ATP9B: variants seen among roughly 807,000 people sequenced by gnomAD.
ATP9B encodes the protein probable phospholipid-transporting ATPase IIB.
A neutral mutation model predicts 146.1 loss-of-function variants in ATP9B; 110 were observed. The ratio of observed to expected loss-of-function variants is 0.75; its 90% CI spans 0.65 to 0.88. The LOEUF (loss-of-function observed/expected upper bound fraction) is 0.88. Among genes scored for constraint, ATP9B ranks in the 40% least tolerant of loss-of-function variants. The pLI, the probability that ATP9B is intolerant of heterozygous loss-of-function variation, is 0.00. For synonymous variants in ATP9B, 604 were observed against 569.7 expected, an observed-to-expected ratio of 1.06 and a Z score of -0.86; for missense variants, 1,499 against 1,496.4, an observed-to-expected ratio of 1.00 and a Z score of -0.03.
intron 19 of ATP9B, among the ~76,000 whole-genome samples, chr18:79,337,869 C>T (rs989558380): frequency 2.6e-5 from 4 of 152,200 alleles, no homozygotes; most frequent in African/African-American, 7.2e-5. Flanking sequence ...CGTGCCCTTG[C>T]CCCCAGCCTG....
chr18:79,142,716 C>G (rs1265361501), intron 5 of ATP9B, among the ~76,000 whole-genome samples: 2 of 151,978 alleles, frequency 1.3e-5, no homozygotes, highest in African/African-American at 4.8e-5. Context: ...TAGCTTCAGC[C>G]CTTATTGGCT....
At chr18:79,241,830 G>A (rs2095891881) in intron 11 of ATP9B, among the ~76,000 whole-genome samples, 1 of 152,146 alleles carries the variant, frequency 6.6e-6, no homozygotes, top group Admixed American at 6.5e-5. Flanking sequence ...TTTGATAGTC[G>A]CCAAACACAA....
At chr18:79,129,628 T>C (rs1271868330) in intron 5 of ATP9B, among the ~76,000 whole-genome samples, 2 of 152,100 alleles carry the variant, frequency 1.3e-5, no homozygotes, top group Admixed American at 6.5e-5. Context: ...ACAAAAATAG[T>C]GTAGAAAAAT....
chr18:79,302,886 C>T (rs1457264642), intron 13 of ATP9B, among the ~76,000 whole-genome samples: 2 of 151,990 alleles, frequency 1.3e-5, no homozygotes, highest in Non-Finnish European at 2.9e-5. Context: ...TAATGGACAC[C>T]CTAATTTGGG....
chr18:79,156,018 T>C (rs959649634), intron 7 of ATP9B, among the ~76,000 whole-genome samples: 2 of 152,112 alleles, frequency 1.3e-5, no homozygotes, highest in African/African-American at 4.8e-5. Context: ...CACCTCGGCC[T>C]CCCAAAGTGC....
rs1555751541 is a variant in ATP9B at position 79,202,060 on chromosome 18, A to AAT, written c.955-4865_955-4864dup. 3.9e-4 allele frequency among the ~76,000 whole-genome samples: 59 copies of AAT among 151,598 alleles called. 1 individual carries two copies. Among genetic ancestry groups the AAT allele is most frequent in the Admixed American group, 3.0e-3 (45 of 15,184 alleles). ...GTGACAGAGTGAGACCCTGTCCTAAAATATATATATATACGGAATTAGAGA... is the reference window on the plus strand; with the variant it reads ...GTGACAGAGTGAGACCCTGTCCTAAAATATATATATATATACGGAATTAGAGA... On this transcript the variant is annotated intron_variant, in intron 9 of 29. Transcript: ENST00000426216.
At chr18:79,079,976 T>C (rs564291385) in intron 1 of ATP9B, among the ~76,000 whole-genome samples, 1 of 152,360 alleles carries the variant, frequency 6.6e-6, no homozygotes, top group East Asian at 1.9e-4. Context: ...GCGTTATTTC[T>C]GAGGCCTCTT....
intron 1 of ATP9B, among the ~76,000 whole-genome samples, chr18:79,095,351 G>C (rs1355784965): frequency 6.6e-6 from 1 of 152,054 alleles, no homozygotes; most frequent in Admixed American, 6.6e-5. Context: ...ATTGCCCTTA[G>C]ACTCTTTCTG....
chr18:79,084,085 C>T (rs1013525506), intron 1 of ATP9B, among the ~76,000 whole-genome samples: 6 of 151,638 alleles, frequency 4.0e-5, no homozygotes, highest in Non-Finnish European at 1.5e-5. Flanking sequence ...TCTTGATCTC[C>T]GGACTTCATG....
intron 15 of ATP9B, among the ~76,000 whole-genome samples, chr18:79,319,831 C>T (rs923546054): frequency 1.3e-5 from 2 of 152,214 alleles, no homozygotes; most frequent in Non-Finnish European, 2.9e-5. Context: ...ATGACTTCTG[C>T]ATCTACAGAG....
intron 1 of ATP9B, among the ~76,000 whole-genome samples, chr18:79,073,660 G>C (rs1037748495): frequency 2.6e-5 from 4 of 152,116 alleles, no homozygotes; most frequent in African/African-American, 9.7e-5. Context: ...TGGAAAGCGG[G>C]AGACGGAGAC....
chr18:79,228,084 G>A (rs1414024767), intron 11 of ATP9B, among the ~76,000 whole-genome samples: 1 of 152,178 alleles, frequency 6.6e-6, no homozygotes, highest in South Asian at 2.1e-4. Context: ...ATCAATGCAG[G>A]ACATATTAGA....
intron 13 of ATP9B, among the ~76,000 whole-genome samples, chr18:79,292,420 A>G (rs751003102): frequency 3.9e-5 from 6 of 152,258 alleles, no homozygotes; most frequent in Non-Finnish European, 7.3e-5. Context: ...CGAACCATCC[A>G]GAGATAGAAT....
intron 8 of ATP9B, among the ~76,000 whole-genome samples, chr18:79,179,526 C>A (rs1001474657): frequency 2.0e-5 from 3 of 151,970 alleles, no homozygotes; most frequent in Admixed American, 2.0e-4. Context: ...AAAATATTTT[C>A]TAATTCCTTC....
intron 26 of ATP9B, among the ~76,000 whole-genome samples, chr18:79,365,014 A>G (rs530056185): frequency 6.8e-6 from 1 of 146,580 alleles, no homozygotes; most frequent in South Asian, 2.2e-4. Context: ...TGGGTGACAG[A>G]GCGAGACCTT....
In ATP9B at chr18:79,076,623, C is replaced by G. The variant is rs1019616231; in HGVS notation, c.119+7094C>G. Among the ~76,000 whole-genome samples, 23 of 151,992 alleles carry G rather than the reference C, an allele frequency of 1.5e-4. 1 individual carries two copies. The highest frequency in any genetic ancestry group is 7.3e-5 in the African/African-American group (3 of 41,372). On this transcript the variant is annotated intron_variant, in intron 1 of 29. Coordinates refer to ENST00000426216, the MANE Select transcript of ATP9B (RefSeq NM_198531.5). The stretch of plus-strand genomic sequence containing the variant: ...TTTTAGTCGTTTGACTGTTCTGGGT[C>G]TTGGTATGGATTTCTTCAGGATTAC...
At chr18:79,118,646 C>T (rs1417174761) in intron 4 of ATP9B, among the ~76,000 whole-genome samples, 6 of 151,738 alleles carry the variant, frequency 4.0e-5, no homozygotes, top group Admixed American at 6.6e-5. Flanking sequence ...GTGATCCGTC[C>T]GCCTCAGCCT....
In ATP9B at chr18:79,374,011, GTCCGCA is replaced by G; in HGVS notation, c.3185_3190del (p.Val1062_Thr1064delinsAla). 6.2e-7 allele frequency: 1 copy of G among 1,614,170 alleles called. No homozygotes were observed. The highest frequency in any genetic ancestry group is 1.1e-5 in the South Asian group (1 of 91,082). On this transcript the variant is annotated inframe_deletion, in exon 28 of 30. Transcript: ENST00000426216. ...CGAGCTGCTGATGGTGGCGCTGACC[GTCCGCA>G]CGTGGCACTGGCTGATGGTGGTGGC... is the stretch of plus-strand genomic sequence containing the variant.
intron 13 of ATP9B, among the ~76,000 whole-genome samples, chr18:79,284,983 C>G (rs111881134): frequency 3.3e-5 from 5 of 152,082 alleles, no homozygotes; most frequent in South Asian, 2.1e-4. Flanking sequence ...GTATTCCATG[C>G]TGTATATGTG....
Sources: gnomAD v4.1 joint callset for allele counts (sites outside exome capture counted in the v4.1 genomes callset) on GRCh38, gnomAD v4.1.1 for gene constraint, MANE v1.5 for transcripts, NCBI Gene and HGNC (gene_info 2026-07-23, HGNC 2026-07-21) for gene names.